CYP19A1: variants seen among roughly 807,000 people sequenced by gnomAD.
CYP19A1 encodes the protein aromatase.
A neutral mutation model predicts 44.4 loss-of-function variants in CYP19A1; 32 were observed. That is an observed-to-expected ratio of 0.72 (90% CI 0.54 to 0.97). The LOEUF is 0.97. Among genes scored for constraint, CYP19A1 ranks in the 50% least tolerant of loss-of-function variants. The pLI, the probability that CYP19A1 is intolerant of heterozygous loss-of-function variation, is 0.00. For missense variants in CYP19A1, 598 were observed against 637.8 expected, an observed-to-expected ratio of 0.94 and a Z score of 0.67; for synonymous variants, 212 against 215.6, an observed-to-expected ratio of 0.98 and a Z score of 0.14.
At chr15:51,301,988 T>C (rs2036123481) in intron 1 of CYP19A1, among the ~76,000 whole-genome samples, 1 of 152,174 alleles carries the variant, frequency 6.6e-6, no homozygotes, top group African/African-American at 2.4e-5. Flanking sequence ...ATAGCAACAG[T>C]GGGGAAAAAA....
intron 1 of CYP19A1, among the ~76,000 whole-genome samples, chr15:51,275,284 A>G (rs986262910): frequency 6.6e-6 from 1 of 152,254 alleles, no homozygotes; most frequent in African/African-American, 2.4e-5. Context: ...AGCCAATGGC[A>G]GCCTTGAAAA....
At chr15:51,301,084 G>A (rs1014111997) in intron 1 of CYP19A1, among the ~76,000 whole-genome samples, 1 of 152,192 alleles carries the variant, frequency 6.6e-6, no homozygotes, top group African/African-American at 2.4e-5. Context: ...GCCACATTAA[G>A]CATTAAAGAG....
chr15:51,210,985 C>G lies in CYP19A1; in HGVS notation c.1335G>C (p.Val445=). ...RGCAGKYIAM[V]MMKAILVTLL... is the part of the protein sequence containing the mutation. ...GTGTAACGAGGATGGCTTTCATCAT[C>G]ACCATGGCGATGTACTTTCCTGCAC... Residue 445 remains valine (V), a synonymous_variant, in exon 10 of 10, where the codon GTG becomes GTC. Transcript: ENST00000396402. 1 of 1,600,324 alleles carries G rather than the reference C, an allele frequency of 6.2e-7. No homozygotes were observed. The highest frequency in any genetic ancestry group is 8.6e-7 in the Non-Finnish European group (1 of 1,167,334).
intron 1 of CYP19A1, among the ~76,000 whole-genome samples, chr15:51,308,474 G>A (rs2141009637): frequency 6.6e-6 from 1 of 152,250 alleles, no homozygotes; most frequent in Middle Eastern, 3.4e-3. Context: ...TTATATCCCA[G>A]GGAGGTATAG....
chr15:51,302,385 CA>C (rs2036133194), intron 1 of CYP19A1, among the ~76,000 whole-genome samples: 1 of 152,238 alleles, frequency 6.6e-6, no homozygotes, highest in Admixed American at 6.5e-5. Context: ...CTGCGAATCA[CA>C]GACTCATAGA....
intron 1 of CYP19A1, chr15:51,322,093 A>G (rs1325973501): frequency 6.6e-6 from 1 of 152,264 alleles, no homozygotes; most frequent in Non-Finnish European, 1.5e-5. Context: ...CCTTCCCGCC[A>G]CGGGCCATGG....
intron 1 of CYP19A1, among the ~76,000 whole-genome samples, chr15:51,305,650 TC>T (rs763227565): frequency 1.3e-5 from 2 of 152,134 alleles, no homozygotes; most frequent in African/African-American, 2.4e-5. Flanking sequence ...AACCTCTGCC[TC>T]CTGGGTTCAA....
At chr15:51,298,654 A>G (rs2036048706) in intron 1 of CYP19A1, among the ~76,000 whole-genome samples, 1 of 152,212 alleles carries the variant, frequency 6.6e-6, no homozygotes, top group South Asian at 2.1e-4. Context: ...AGTCCAAAAC[A>G]TTCCCTTCCA....
intron 1 of CYP19A1, among the ~76,000 whole-genome samples, chr15:51,266,999 G>A (rs1342270447): frequency 6.6e-6 from 1 of 152,188 alleles, no homozygotes; most frequent in Admixed American, 6.5e-5. Context: ...TCAAAGAACA[G>A]GGCAGTCTGC....
At chr15:51,324,382 G>T (rs2036575831) in intron 1 of CYP19A1, among the ~76,000 whole-genome samples, 1 of 152,204 alleles carries the variant, frequency 6.6e-6, no homozygotes, top group African/African-American at 2.4e-5. Context: ...TTCCAAAGAT[G>T]CTAACATAGA....
chr15:51,282,029 C>T (rs1473916914), intron 1 of CYP19A1, among the ~76,000 whole-genome samples: 1 of 152,112 alleles, frequency 6.6e-6, no homozygotes, highest in Non-Finnish European at 1.5e-5. Flanking sequence ...CCAAGCTTGC[C>T]CCTTGTTGGT....
chr15:51,240,557 A>C (rs1387126525), intron 2 of CYP19A1, among the ~76,000 whole-genome samples: 1 of 152,192 alleles, frequency 6.6e-6, no homozygotes, highest in Non-Finnish European at 1.5e-5. Flanking sequence ...GGGAGCTGGC[A>C]GGAGCTCAGG....
At chr15:51,302,465 A>G (rs1398515024) in intron 1 of CYP19A1, among the ~76,000 whole-genome samples, 1 of 152,222 alleles carries the variant, frequency 6.6e-6, no homozygotes, top group Non-Finnish European at 1.5e-5. Flanking sequence ...TGAGTTCTCA[A>G]CTTTTAGCTA....
intron 1 of CYP19A1, among the ~76,000 whole-genome samples, chr15:51,265,706 T>C (rs770209670): frequency 2.1e-4 from 32 of 152,108 alleles, no homozygotes; most frequent in Non-Finnish European, 1.5e-4. Context: ...AGGCCTCTTT[T>C]AAGAAAAAAA....
chr15:51,223,591 T>TCACACA (rs1157301044), intron 4 of CYP19A1, among the ~76,000 whole-genome samples: 68 of 56,970 alleles, frequency 1.2e-3, no homozygotes, highest in African/African-American at 2.8e-3. Flanking sequence ...TCTCTCTCTC[T>TCACACA]CTCACACACA....
intron 1 of CYP19A1, among the ~76,000 whole-genome samples, chr15:51,321,422 G>A (rs1029970003): frequency 4.6e-5 from 7 of 152,068 alleles, no homozygotes; most frequent in Non-Finnish European, 8.8e-5. Context: ...CTGCCCAGTG[G>A]CCACCTTCTC....
intron 3 of CYP19A1, 47 bp downstream of exon 3, chr15:51,236,812 T>C: frequency 6.2e-7 from 1 of 1,611,464 alleles, no homozygotes; most frequent in Non-Finnish European, 8.5e-7. Flanking sequence ...TGGAAAAAAC[T>C]CCAGCCTCGA....
rs142325544 is a variant in CYP19A1 at position 51,252,711 on chromosome 15, C to T, written c.-38-9761G>A. On this transcript the variant is annotated intron_variant, in intron 1 of 9. Coordinates refer to ENST00000396402, the MANE Select transcript of CYP19A1 (RefSeq NM_000103.4). ...AGGGTTCCAGTGCATGGAGGGCACA[C>T]GGAGTGTGCGCCTGTGGAGGCCACT... 2.9e-3 allele frequency among the ~76,000 whole-genome samples: 447 copies of T among 152,234 alleles called. 4 individuals carry two copies. The highest frequency in any genetic ancestry group is 0.01 in the African/African-American group (432 of 41,574).
chr15:51,308,012 C>A (rs1039597231), intron 1 of CYP19A1, among the ~76,000 whole-genome samples: 1 of 152,190 alleles, frequency 6.6e-6, no homozygotes, highest in Admixed American at 6.5e-5. Context: ...AGTTTCATTT[C>A]CTTTCTCCCT....
Sources: allele counts gnomAD v4.1 joint callset (sites outside exome capture counted in the v4.1 genomes callset), GRCh38; gene constraint gnomAD v4.1.1; transcripts MANE v1.5; gene names NCBI Gene and HGNC (gene_info 2026-07-23, HGNC 2026-07-21).